The following HDGFL3 variants were observed in gnomAD, a reference collection of about 807,000 sequenced individuals.
HDGFL3 encodes hepatoma-derived growth factor-related protein 3.
Under a neutral mutation model 27.6 loss-of-function variants are expected in HDGFL3, and 6 were observed. The ratio of observed to expected loss-of-function variants is 0.22; its 90% CI spans 0.12 to 0.43. HDGFL3 has a LOEUF of 0.43. Ranked by LOEUF, HDGFL3 falls within the 20% of genes least tolerant of loss-of-function variation. HDGFL3 has a pLI of 1.00. For missense variants in HDGFL3, 207 were observed against 250.1 expected (o/e 0.83, Z 1.16); for synonymous variants, 88 against 88.9 (o/e 0.99, Z 0.05).
chr15:83,155,649 T>C (rs1047122592), intron 4 of HDGFL3, among the ~76,000 whole-genome samples: 3 of 152,228 alleles, frequency 2.0e-5, no homozygotes, highest in African/African-American at 7.2e-5. Context: ...CAGGAAACAA[T>C]GCTGCATTCA....
At chr15:83,154,495 G>T (rs2037004588) in intron 4 of HDGFL3, among the ~76,000 whole-genome samples, 1 of 152,164 alleles carries the variant, frequency 6.6e-6, no homozygotes, top group Non-Finnish European at 1.5e-5. Context: ...TTGATTCCTA[G>T]ACCCCACCCT....
At chr15:83,121,792 C>G in intron 3 of HDGFL3, 1 of 692,652 alleles carries the variant, frequency 1.4e-6, no homozygotes. Flanking sequence ...ATTTATTCCT[C>G]TCAATTCAAT....
At chr15:83,198,444 A>C (rs1486562883) in intron 1 of HDGFL3, among the ~76,000 whole-genome samples, 2 of 152,228 alleles carry the variant, frequency 1.3e-5, no homozygotes, top group Non-Finnish European at 2.9e-5. Flanking sequence ...CTTTACATAA[A>C]ATGAAATATA....
In HDGFL3 at chr15:83,133,490, C is replaced by G. The variant is rs967200713; in HGVS notation, c.*5780G>C. On this transcript the variant is annotated 3_prime_UTR_variant, in exon 6 of 6. Transcript: ENST00000299633. ...CAATCATCCATTCTTAAAAAAAAAT[C>G]AGAGTATATCTCTTAATTATTTCTG... 2.6e-5 allele frequency: 4 copies of G among 152,150 alleles called. No homozygotes were observed. The highest frequency in any genetic ancestry group is 7.2e-5 in the African/African-American group (3 of 41,440). 9.4% of individuals were successfully genotyped at this position (152,150 alleles called of 1,614,324 possible).
chr15:83,140,625 G>A (rs897236815), intron 5 of HDGFL3, among the ~76,000 whole-genome samples: 1 of 151,934 alleles, frequency 6.6e-6, no homozygotes, highest in African/African-American at 2.4e-5. Context: ...GGGATTACAG[G>A]TGTGTGCTAC....
intron 1 of HDGFL3, among the ~76,000 whole-genome samples, chr15:83,170,858 T>C (rs1369146002): frequency 1.3e-5 from 2 of 149,380 alleles, no homozygotes; most frequent in African/African-American, 4.9e-5. Flanking sequence ...CTATAAGGAA[T>C]TTAAAGAATT....
Position 83,149,591 on chromosome 15 carries a change from G to A in HDGFL3, c.606+1624C>T, listed in dbSNP as rs568732849. On this transcript the variant is annotated intron_variant, in intron 5 of 5. Coordinates refer to ENST00000299633, the MANE Select transcript of HDGFL3 (RefSeq NM_016073.4). ...AGAGGTGAAAACGAAGACTAAATGA[G>A]ACGTTGGATCGGGCAAGGAGAGGAT... Among the ~76,000 whole-genome samples, 43 of 152,314 alleles carry A rather than the reference G, an allele frequency of 2.8e-4. No homozygotes were observed. The Middle Eastern group carries it at 0.01, about 36-fold the overall frequency.
chr15:83,151,354 G>A lies in HDGFL3; in HGVS notation c.467C>T (p.Ser156Phe). Residue 156 changes from serine to phenylalanine, a missense_variant, in exon 5 of 6, where the codon TCT (serine) becomes TTT (phenylalanine). Ser to Phe is a radical substitution (Grantham distance 155, BLOSUM62 -2). Coordinates refer to ENST00000299633, the MANE Select transcript of HDGFL3 (RefSeq NM_016073.4). ...RKKSYTSKKS[S>F]KQSRKSPGDE... ...TCCTGGAGATTTCCGGGACTGTTTA[G>A]AGGATTTCTAAATGTTTAGACAAGT... 1 of 1,608,176 alleles carries A rather than the reference G, an allele frequency of 6.2e-7. No individual in the cohort carries two copies. Among genetic ancestry groups the A allele is most frequent in the Admixed American group, 1.7e-5 (1 of 58,538 alleles).
chr15:83,199,193 T>C (rs1185686042), intron 1 of HDGFL3, among the ~76,000 whole-genome samples: 4 of 152,248 alleles, frequency 2.6e-5, no homozygotes, highest in African/African-American at 9.6e-5. Flanking sequence ...AATAGTGGTC[T>C]AGAGGGAATT....
At chr15:83,205,946 GT>G (rs2037710473) in intron 1 of HDGFL3, among the ~76,000 whole-genome samples, 1 of 152,168 alleles carries the variant, frequency 6.6e-6, no homozygotes, top group Non-Finnish European at 1.5e-5. Context: ...GAATAAGACT[GT>G]TTTTTCCTCT....
intron 3 of HDGFL3, among the ~76,000 whole-genome samples, chr15:83,122,520 T>C (rs1186789882): frequency 2.0e-5 from 3 of 152,162 alleles, no homozygotes. Context: ...CTTGCAGTGG[T>C]ACAGCCATAG....
At chr15:83,146,130 A>T (rs1303956141) in intron 5 of HDGFL3, among the ~76,000 whole-genome samples, 1 of 151,470 alleles carries the variant, frequency 6.6e-6, no homozygotes, top group Non-Finnish European at 1.5e-5. Context: ...GGCTGCTCTC[A>T]AACTCCTGAC....
At chr15:83,121,985 G>A in intron 3 of HDGFL3, 1 of 1,611,268 alleles carries the variant, frequency 6.2e-7, no homozygotes, top group Non-Finnish European at 8.5e-7. Context: ...TGTTGTTTTT[G>A]TGCCAGGAAA....
At chr15:83,193,381 T>A (rs1193791433) in intron 1 of HDGFL3, among the ~76,000 whole-genome samples, 1 of 151,982 alleles carries the variant, frequency 6.6e-6, no homozygotes, top group Admixed American at 6.6e-5. Flanking sequence ...AACCATAAGA[T>A]ACCACCTCAC....
At chr15:83,124,618 C>T (rs369579887), downstream of HDGFL3, 2 of 1,367,156 alleles carry the variant, frequency 1.5e-6, no homozygotes, top group East Asian at 2.4e-5. Context: ...TTTCAGATTT[C>T]AGATTCTTCT....
chr15:83,156,471 T>A (rs1397947846), intron 4 of HDGFL3, among the ~76,000 whole-genome samples: 2 of 152,188 alleles, frequency 1.3e-5, no homozygotes, highest in Admixed American at 1.3e-4. Context: ...TGGAATAGAC[T>A]AGGTGATCAG....
Position 83,182,845 on chromosome 15 carries a change from A to T in HDGFL3, c.85-18770T>A, listed in dbSNP as rs145104420. On this transcript the variant is annotated intron_variant, in intron 1 of 5. Transcript: ENST00000299633. ...ATTAATGTCTGCAATTTACACTTTA[A>T]AATACATAAAAAATAAGATAGCTTG... Among the ~76,000 whole-genome samples the T allele has an allele frequency of 1.7e-3, 260 of 152,340 alleles. 5 individuals carry two copies. The East Asian group carries it at 0.045, about 26-fold the overall frequency.
At chr15:83,114,973 G>C (rs2034522364) in exon 4 of HDGFL3, 1 of 152,166 alleles carries the variant, frequency 6.6e-6, no homozygotes, top group Non-Finnish European at 1.5e-5. Context: ...AACATCACTA[G>C]TCTTTTTTCT....
chr15:83,166,525 C>G (rs2037174024), intron 1 of HDGFL3, among the ~76,000 whole-genome samples: 1 of 152,178 alleles, frequency 6.6e-6, no homozygotes, highest in Non-Finnish European at 1.5e-5. Flanking sequence ...GGTACAGAGC[C>G]TGCAGACCCT....
Sources: allele counts gnomAD v4.1 joint callset (sites outside exome capture counted in the v4.1 genomes callset), GRCh38; gene constraint gnomAD v4.1.1; transcripts MANE v1.5; gene names NCBI Gene and HGNC (gene_info 2026-07-23, HGNC 2026-07-21).